EPB41L2: variants seen among roughly 807,000 people sequenced by gnomAD.
EPB41L2 encodes band 4.1-like protein 2.
EPB41L2 carries 43 observed loss-of-function variants against 113.0 expected under a neutral mutation model. That is an observed-to-expected ratio of 0.38 (90% CI 0.30 to 0.49). The LOEUF is 0.49. Among genes scored for constraint, EPB41L2 ranks in the 20% least tolerant of loss-of-function variants. The probability of loss-of-function intolerance (pLI) is 0.95; values close to 1 mark genes in which losing one functional copy is unlikely to be tolerated. For missense variants in EPB41L2, 1,147 were observed against 1,223.4 expected, an observed-to-expected ratio of 0.94 and a Z score of 0.93; for synonymous variants, 442 against 436.7, an observed-to-expected ratio of 1.01 and a Z score of -0.15.
At chr6:130,963,062 C>T (rs1774022825) in intron 1 of EPB41L2, among the ~76,000 whole-genome samples, 1 of 152,112 alleles carries the variant, frequency 6.6e-6, no homozygotes, top group African/African-American at 2.4e-5. Flanking sequence ...GACACACTGA[C>T]ACACAACAAA....
intron 1 of EPB41L2, among the ~76,000 whole-genome samples, chr6:130,982,941 C>G (rs10499179): frequency 0.064 from 9,760 of 152,308 alleles, 428 homozygotes; most frequent in Non-Finnish European, 0.096. Context: ...AATTTGGATT[C>G]TGGCTCAACC....
chr6:130,975,080 C>T (rs970332109), intron 1 of EPB41L2, among the ~76,000 whole-genome samples: 1 of 152,128 alleles, frequency 6.6e-6, no homozygotes, highest in African/African-American at 2.4e-5. Flanking sequence ...GAGAAGTACA[C>T]AAAGCACGTC....
intron 1 of EPB41L2, among the ~76,000 whole-genome samples, chr6:130,991,118 T>C (rs570458540): frequency 6.6e-6 from 1 of 152,274 alleles, no homozygotes; most frequent in South Asian, 2.1e-4. Context: ...CATGAGCCAC[T>C]TACCAAACAG....
chr6:131,046,781 A>G (rs999899026), intron 1 of EPB41L2, among the ~76,000 whole-genome samples: 1 of 152,174 alleles, frequency 6.6e-6, no homozygotes, highest in Admixed American at 6.5e-5. Flanking sequence ...CTTCCCCTTT[A>G]TAACTAAAGC....
chr6:130,963,682 A>T (rs1774211858), intron 1 of EPB41L2, among the ~76,000 whole-genome samples: 1 of 152,218 alleles, frequency 6.6e-6, no homozygotes, highest in Non-Finnish European at 1.5e-5. Context: ...AGCATTCTCC[A>T]CCAGCAACTA....
chr6:131,040,429 A>G (rs1021251691), intron 1 of EPB41L2, among the ~76,000 whole-genome samples: 1 of 151,964 alleles, frequency 6.6e-6, no homozygotes, highest in African/African-American at 2.4e-5. Context: ...ACAGAACGAG[A>G]CTCTGTCTCC....
intron 11 of EPB41L2, among the ~76,000 whole-genome samples, chr6:130,888,080 C>T (rs756383185): frequency 2.0e-5 from 3 of 152,024 alleles, no homozygotes; most frequent in Non-Finnish European, 4.4e-5. Flanking sequence ...TCTAGCCTTA[C>T]TTAAAAAGTA....
intron 1 of EPB41L2, among the ~76,000 whole-genome samples, chr6:130,979,701 G>C (rs1778955294): frequency 6.6e-6 from 1 of 152,114 alleles, no homozygotes; most frequent in African/African-American, 2.4e-5. Flanking sequence ...TTAGATAGTG[G>C]TACCATGAAG....
At chr6:131,023,586 G>A (rs1790024060) in intron 1 of EPB41L2, among the ~76,000 whole-genome samples, 1 of 152,070 alleles carries the variant, frequency 6.6e-6, no homozygotes, top group African/African-American at 2.4e-5. Flanking sequence ...TCAGGAGGCT[G>A]AGGCAGGAGA....
At position 130,908,804 on chromosome 6, in the gene EPB41L2, A is replaced by G; in HGVS notation, c.853+17T>C. 5 of 1,574,256 alleles carry G rather than the reference A, an allele frequency of 3.2e-6. No individual in the cohort carries two copies. In the South Asian group the frequency reaches 4.5e-5, roughly 14 times the overall value. ...CAAGACACCTTAACTTCAAAGAATG[A>G]TTATTTATATACTTACTTCTCAGTT... On this transcript the variant is annotated intron_variant, in intron 5 of 19. Transcript: ENST00000337057.
At chr6:131,048,669 G>A (rs1795958433) in intron 1 of EPB41L2, among the ~76,000 whole-genome samples, 1 of 152,154 alleles carries the variant, frequency 6.6e-6, no homozygotes, top group East Asian at 1.9e-4. Flanking sequence ...AACAAGACTG[G>A]TCATGTGACT....
intron 1 of EPB41L2, among the ~76,000 whole-genome samples, chr6:131,054,350 G>A (rs1797203695): frequency 6.6e-6 from 1 of 152,044 alleles, no homozygotes; most frequent in African/African-American, 2.4e-5. Flanking sequence ...GTCTGTCCCT[G>A]CAAGTTTCTG....
intron 19 of EPB41L2, among the ~76,000 whole-genome samples, chr6:130,841,841 T>A (rs1052125770): frequency 2.0e-5 from 3 of 152,184 alleles, no homozygotes; most frequent in Admixed American, 2.0e-4. Context: ...CTAAGTCTCA[T>A]GTGAGCATAG....
At chr6:130,969,809 C>A (rs982830534) in intron 1 of EPB41L2, among the ~76,000 whole-genome samples, 1 of 152,148 alleles carries the variant, frequency 6.6e-6, no homozygotes, top group African/African-American at 2.4e-5. Flanking sequence ...ATTAACCTTA[C>A]ATAGTCCTCA....
chr6:131,049,713 A>T (rs551864856), intron 1 of EPB41L2, among the ~76,000 whole-genome samples: 27 of 152,344 alleles, frequency 1.8e-4, no homozygotes, highest in African/African-American at 6.5e-4. Context: ...ATAATCCCAT[A>T]GGACTTTTAC....
rs1427078102 is a variant in EPB41L2, at chr6:131,017,019, A to T, written c.-15+46136T>A. ...TAAATCTGCTGCATAAATGAAGTAT[A>T]CCTAGACATTAAATTGTGTGTTGGA... On this transcript the variant is annotated intron_variant, in intron 1 of 19. Transcript: ENST00000337057. Among the ~76,000 whole-genome samples, 5 of 152,188 alleles carry T rather than the reference A, an allele frequency of 3.3e-5. No individual in the cohort carries two copies. The East Asian group carries it at 9.6e-4, about 29-fold the overall frequency.
intron 3 of EPB41L2, among the ~76,000 whole-genome samples, chr6:130,947,771 ACAGACC>A (rs576274851): frequency 2.4e-4 from 37 of 152,226 alleles, no homozygotes; most frequent in Non-Finnish European, 4.3e-4. Context: ...CTGATGAGTA[ACAGACC>A]CAAACTAATG....
chr6:130,901,245 G>T, intron 6 of EPB41L2, 65 bp from the exon 7 acceptor site: 8 of 1,433,042 alleles, frequency 5.6e-6, no homozygotes, highest in Non-Finnish European at 7.8e-6. Flanking sequence ...AGCACTCACA[G>T]TCCTTAAAAG....
intron 19 of EPB41L2, among the ~76,000 whole-genome samples, chr6:130,851,496 T>C (rs1266108805): frequency 2.6e-5 from 4 of 152,250 alleles, no homozygotes; most frequent in Admixed American, 6.5e-5. Flanking sequence ...AATGGTGAAC[T>C]GACCCTGCTT....
Sources: gnomAD v4.1 joint callset for allele counts (sites outside exome capture counted in the v4.1 genomes callset) on GRCh38, gnomAD v4.1.1 for gene constraint, MANE v1.5 for transcripts, NCBI Gene and HGNC (gene_info 2026-07-23, HGNC 2026-07-21) for gene names.